Variants in SCAPER observed in about 807,000 individuals in gnomAD.
SCAPER encodes the protein S phase cyclin A-associated protein in the endoplasmic reticulum.
Under a neutral mutation model 182.2 loss-of-function variants are expected in SCAPER, and 98 were observed. The observed-to-expected ratio is 0.54, with a 90% CI of 0.46 to 0.64. The LOEUF (loss-of-function observed/expected upper bound fraction) is 0.64. SCAPER is among the 30% of genes least tolerant of loss of function. SCAPER has a pLI of 0.00. For synonymous variants in SCAPER, 605 were observed against 564.6 expected, an observed-to-expected ratio of 1.07 and a Z score of -1.01; for missense variants, 1,432 against 1,690.0, an observed-to-expected ratio of 0.85 and a Z score of 2.68.
intron 4 of SCAPER, among the ~76,000 whole-genome samples, chr15:76,850,439 A>C (rs1317230507): frequency 6.6e-6 from 1 of 152,222 alleles, no homozygotes; most frequent in Non-Finnish European, 1.5e-5. Context: ...AGGCTCCCAA[A>C]GGCACACAGA....
chr15:76,408,668 G>C (rs996104670), intron 26 of SCAPER, among the ~76,000 whole-genome samples: 7 of 151,874 alleles, frequency 4.6e-5, no homozygotes, highest in Admixed American at 1.3e-4. Context: ...ATCCCCATTT[G>C]ATAGACAAGG....
intron 23 of SCAPER, among the ~76,000 whole-genome samples, chr15:76,535,959 T>C (rs918909430): frequency 6.6e-6 from 1 of 152,244 alleles, no homozygotes; most frequent in Non-Finnish European, 1.5e-5. Flanking sequence ...TAACTGTTCA[T>C]GTTACTTAAA....
chr15:76,721,962 T>C (rs893012129), intron 17 of SCAPER, among the ~76,000 whole-genome samples: 2 of 152,308 alleles, frequency 1.3e-5, no homozygotes, highest in Admixed American at 6.5e-5. Context: ...TCCAACACTA[T>C]GTTGAATAGG....
intron 25 of SCAPER, among the ~76,000 whole-genome samples, chr15:76,451,268 GT>G (rs761894085): frequency 1.3e-5 from 2 of 152,106 alleles, no homozygotes; most frequent in Non-Finnish European, 2.9e-5. Context: ...TCACCTGTTC[GT>G]GGACATGTGT....
chr15:76,781,128 T>A (rs1338710182), intron 8 of SCAPER, among the ~76,000 whole-genome samples: 2 of 152,042 alleles, frequency 1.3e-5, no homozygotes, highest in African/African-American at 4.8e-5. Flanking sequence ...ATAAGGAAGC[T>A]AAAAAACATT....
chr15:76,883,781 A>T, intron 2 of SCAPER, 31 bp downstream of exon 2: 1 of 1,488,494 alleles, frequency 6.7e-7, no homozygotes, highest in Non-Finnish European at 9.0e-7. Flanking sequence ...AAGGCAAAAA[A>T]ACTAAGGCTA....
chr15:76,698,643 G>A (rs903813142), intron 20 of SCAPER, among the ~76,000 whole-genome samples: 4 of 152,184 alleles, frequency 2.6e-5, no homozygotes, highest in African/African-American at 9.7e-5. Flanking sequence ...TTAGTGAGCT[G>A]AGGAGACAGA....
At chr15:76,353,523 A>G (rs1310215815) in intron 30 of SCAPER, among the ~76,000 whole-genome samples, 1 of 152,236 alleles carries the variant, frequency 6.6e-6, no homozygotes, top group East Asian at 1.9e-4. Context: ...TTTTTATTTT[A>G]TACATATAAG....
At chr15:76,728,762 A>C (rs1266304071) in intron 16 of SCAPER, 25 bp from the exon 17 acceptor site, 2 of 1,591,122 alleles carry the variant, frequency 1.3e-6, no homozygotes, top group East Asian at 4.5e-5. Context: ...ATTTGTTTCC[A>C]ATATTAGAAT....
intron 24 of SCAPER, among the ~76,000 whole-genome samples, chr15:76,483,971 T>A (rs1160163731): frequency 6.6e-6 from 1 of 152,122 alleles, no homozygotes. Flanking sequence ...CATCATATGA[T>A]CCAGAATCAC....
rs192492609 is a variant in SCAPER, at chr15:76,624,787, A to G, written c.2646-2958T>C. 3.9e-3 allele frequency among the ~76,000 whole-genome samples: 592 copies of G among 152,318 alleles called. 2 individuals are homozygous for G. The highest frequency in any genetic ancestry group is 5.4e-3 in the Non-Finnish European group (364 of 68,030). On this transcript the variant is annotated intron_variant, in intron 21 of 31. Transcript: ENST00000563290. The stretch of plus-strand genomic sequence containing the variant: ...GACAAACACTGATACCGGCGTTAGC[A>G]GGTCCAGGTGAGCTGATTCTTGGGC...
At chr15:76,392,989 G>C (rs1475258168) in intron 27 of SCAPER, among the ~76,000 whole-genome samples, 6 of 152,136 alleles carry the variant, frequency 3.9e-5, no homozygotes, top group Non-Finnish European at 8.8e-5. Context: ...ACGAGCTGGG[G>C]CCCAGCCAGT....
chr15:76,351,156 G>T, intron 31 of SCAPER, 81 bp downstream of exon 31: 3 of 1,202,654 alleles, frequency 2.5e-6, no homozygotes, highest in Non-Finnish European at 3.5e-6. Context: ...TACATATAAT[G>T]TAGCAGTTCC....
intron 7 of SCAPER, among the ~76,000 whole-genome samples, chr15:76,799,383 C>T (rs2065587738): frequency 6.7e-6 from 1 of 150,230 alleles, no homozygotes; most frequent in Non-Finnish European, 1.5e-5. Flanking sequence ...CCCGCCCCCG[C>T]CCCCAAATAG....
chr15:76,573,289 A>C (rs115297142), intron 23 of SCAPER, among the ~76,000 whole-genome samples: 1 of 152,140 alleles, frequency 6.6e-6, no homozygotes, highest in African/African-American at 2.4e-5. Context: ...AGTGGTAACA[A>C]TCTTACTCTA....
intron 27 of SCAPER, among the ~76,000 whole-genome samples, chr15:76,382,341 A>G (rs1158545408): frequency 6.6e-6 from 1 of 150,670 alleles, no homozygotes; most frequent in Admixed American, 6.6e-5. Context: ...TCCTTGAACT[A>G]AGGTATTTTT....
At chr15:76,735,563 G>A (rs768620218) in intron 15 of SCAPER, among the ~76,000 whole-genome samples, 6 of 151,612 alleles carry the variant, frequency 4.0e-5, no homozygotes, top group South Asian at 2.1e-4. Context: ...TTAGCTGGGC[G>A]TGGCAGCATG....
intron 17 of SCAPER, among the ~76,000 whole-genome samples, chr15:76,722,485 T>A (rs1211004270): frequency 1.3e-5 from 2 of 152,220 alleles, no homozygotes; most frequent in African/African-American, 4.8e-5. Flanking sequence ...TTGATTGCAA[T>A]AGTTTCAGAA....
At chr15:76,532,472 G>T (rs997824609) in intron 23 of SCAPER, among the ~76,000 whole-genome samples, 1 of 151,996 alleles carries the variant, frequency 6.6e-6, no homozygotes. Flanking sequence ...AAAGTGCTGG[G>T]ATTACAGGCG....
Sources: allele counts gnomAD v4.1 joint callset (sites outside exome capture counted in the v4.1 genomes callset), GRCh38; gene constraint gnomAD v4.1.1; transcripts MANE v1.5; gene names NCBI Gene and HGNC (gene_info 2026-07-23, HGNC 2026-07-21).